The following ASB4 variants were observed in gnomAD, a reference collection of about 807,000 sequenced individuals.
The protein encoded by ASB4 is ankyrin repeat and SOCS box containing 4, also known as ankyrin repeat and SOCS box protein 4.
In ASB4, 35 loss-of-function variants were observed where a neutral mutation model predicts 38.6. That is an observed-to-expected ratio of 0.91 (90% CI 0.69 to 1.20). The LOEUF is 1.20. Among genes scored for constraint, ASB4 ranks in the 50% most tolerant of loss-of-function variants. ASB4 has a pLI of 0.00. For synonymous variants in ASB4, 195 were observed against 201.3 expected (o/e 0.97, Z 0.26); for missense variants, 557 against 527.2 (o/e 1.06, Z -0.55).
At chr7:95,512,254 G>C (rs1271611066) in intron 2 of ASB4, among the ~76,000 whole-genome samples, 1 of 152,214 alleles carries the variant, frequency 6.6e-6, no homozygotes, top group Non-Finnish European at 1.5e-5. Flanking sequence ...ACTCGGTTCA[G>C]ACCTTGACTA....
upstream of ASB4, among the ~76,000 whole-genome samples, chr7:95,481,771 C>T (rs553415278): frequency 3.3e-5 from 5 of 152,258 alleles, no homozygotes; most frequent in East Asian, 3.9e-4. Context: ...CAGGGTCTTA[C>T]GGGCCACTTG....
chr7:95,518,209 C>T (rs887917469), intron 2 of ASB4, among the ~76,000 whole-genome samples: 6 of 152,230 alleles, frequency 3.9e-5, no homozygotes, highest in East Asian at 1.9e-4. Context: ...TGGAAGACCA[C>T]GCTTTCTAGT....
chr7:95,496,083 T>C (rs1287635912), intron 2 of ASB4, 26 bp downstream of exon 2: 4 of 1,594,246 alleles, frequency 2.5e-6, no homozygotes, highest in Non-Finnish European at 3.4e-6. Context: ...TGGCCAACAT[T>C]GTTGTCTGCT....
At chr7:95,485,601 A>C (rs1306347781), upstream of ASB4, among the ~76,000 whole-genome samples, 1 of 152,222 alleles carries the variant, frequency 6.6e-6, no homozygotes, top group African/African-American at 2.4e-5. Flanking sequence ...CCAGCCAGGC[A>C]CCAGATGTTT....
intron 2 of ASB4, among the ~76,000 whole-genome samples, chr7:95,527,435 T>C (rs556692725): frequency 6.6e-6 from 1 of 152,338 alleles, no homozygotes; most frequent in South Asian, 2.1e-4. Context: ...TGACATAACA[T>C]TTGTTTTTAA....
intron 1 of ASB4, among the ~76,000 whole-genome samples, chr7:95,489,900 C>T (rs996984312): frequency 2.0e-5 from 3 of 152,132 alleles, no homozygotes; most frequent in East Asian, 1.9e-4. Flanking sequence ...ACTGGAAAGA[C>T]GAAGGACTGT....
At chr7:95,474,662 C>G (rs183724249), upstream of ASB4, among the ~76,000 whole-genome samples, 1 of 152,054 alleles carries the variant, frequency 6.6e-6, no homozygotes, top group South Asian at 2.1e-4. Context: ...GCTGAAACTA[C>G]GGGCACATGC....
In ASB4 at chr7:95,515,159, T is replaced by TTCTCTC. The variant is rs1300413524; in HGVS notation, c.488-12649_488-12648insCTCTCT. On this transcript the variant is annotated intron_variant, in intron 2 of 4. Coordinates refer to ENST00000325885, the MANE Select transcript of ASB4 (RefSeq NM_016116.3). ...CAAGCAATTGTTTTTCTTTCTTTCT[T>TTCTCTC]TCTCTTTCTCTTTCTTTCTTTCTTT... Among the ~76,000 whole-genome samples, 832 of 95,750 alleles carry TTCTCTC rather than the reference T, an allele frequency of 8.7e-3. 12 individuals are homozygous for TTCTCTC. Among genetic ancestry groups the TTCTCTC allele is most frequent in the Non-Finnish European group, 0.011 (537 of 47,440 alleles). 62.8% of individuals were successfully genotyped at this position (95,750 alleles called of 152,430 possible).
rs139204724 is a variant in ASB4 at position 95,525,606 on chromosome 7, A to G, written c.488-2207A>G. Among the ~76,000 whole-genome samples, 72 of 152,304 alleles carry G rather than the reference A, an allele frequency of 4.7e-4. 1 individual carries two copies. Among genetic ancestry groups the G allele is most frequent in the African/African-American group, 1.7e-3 (70 of 41,566 alleles). ...ATTAAAAAAGGATGTGGTTTGTTCC[A>G]AGTTGGCCTGTAAGAATTTCATCCT... On this transcript the variant is annotated intron_variant, in intron 2 of 4. Coordinates refer to ENST00000325885, the MANE Select transcript of ASB4 (RefSeq NM_016116.3).
intron 2 of ASB4, among the ~76,000 whole-genome samples, chr7:95,500,693 G>A (rs768530329): frequency 7.9e-5 from 12 of 151,324 alleles, no homozygotes; most frequent in Non-Finnish European, 1.2e-4. Context: ...AAATGAGGCT[G>A]TATCCCATAT....
intron 1 of ASB4, among the ~76,000 whole-genome samples, chr7:95,488,353 A>G (rs982844019): frequency 1.3e-5 from 2 of 152,216 alleles, no homozygotes; most frequent in African/African-American, 4.8e-5. Flanking sequence ...AAAGAAAAAA[A>G]AAAAGAAGTT....
chr7:95,478,995 A>G (rs1790001130), intron 1 of ASB4, among the ~76,000 whole-genome samples: 1 of 152,202 alleles, frequency 6.6e-6, no homozygotes, highest in African/African-American at 2.4e-5. Flanking sequence ...CATGGCTGCC[A>G]CAGGGAAGAC....
At chr7:95,496,212 C>T in intron 2 of ASB4, 155 bp downstream of exon 2, 2 of 603,382 alleles carry the variant, frequency 3.3e-6, no homozygotes, top group Non-Finnish European at 2.8e-6. Context: ...TCTGTTGATT[C>T]AGGTAATTCA....
At chr7:95,504,407 A>C (rs1790380807) in intron 2 of ASB4, among the ~76,000 whole-genome samples, 1 of 152,214 alleles carries the variant, frequency 6.6e-6, no homozygotes, top group Non-Finnish European at 1.5e-5. Context: ...GCAAGATGTC[A>C]CTGGCCTTCA....
chr7:95,503,576 T>G (rs1343733890), intron 2 of ASB4, among the ~76,000 whole-genome samples: 2 of 152,232 alleles, frequency 1.3e-5, no homozygotes, highest in Non-Finnish European at 2.9e-5. Flanking sequence ...TCTCAGTCTC[T>G]AGAGGTATAG....
At chr7:95,545,709 A>G in the ASB4 span, among the ~76,000 whole-genome samples, 2 of 152,306 alleles carry the variant, frequency 1.3e-5, no homozygotes, top group Middle Eastern at 3.4e-3. Context: ...GGGTCTGTCA[A>G]CAACTGGCAA....
At chr7:95,518,394 A>G (rs950709923) in intron 2 of ASB4, among the ~76,000 whole-genome samples, 10 of 152,262 alleles carry the variant, frequency 6.6e-5, no homozygotes, top group Admixed American at 1.3e-4. Context: ...GCGAAGCCAT[A>G]AGACCAAGGC....
At chr7:95,548,663 C>A in the ASB4 span, among the ~76,000 whole-genome samples, 6 of 152,204 alleles carry the variant, frequency 3.9e-5, no homozygotes, top group African/African-American at 1.4e-4. Flanking sequence ...GGTCTAGTTA[C>A]TAATTATCAA....
At chr7:95,482,528 G>A (rs555869810), upstream of ASB4, among the ~76,000 whole-genome samples, 25 of 152,268 alleles carry the variant, frequency 1.6e-4, no homozygotes, top group African/African-American at 5.5e-4. Context: ...AAAGACAGCC[G>A]TTGTGAGACT....
Sources: gnomAD v4.1 joint callset for allele counts (sites outside exome capture counted in the v4.1 genomes callset) on GRCh38, gnomAD v4.1.1 for gene constraint, MANE v1.5 for transcripts, NCBI Gene and HGNC (gene_info 2026-07-23, HGNC 2026-07-21) for gene names.